NPHS1: variants seen among roughly 807,000 people sequenced by gnomAD.
NPHS1 encodes the protein nephrin.
NPHS1 carries 107 observed loss-of-function variants against 139.7 expected under a neutral mutation model. That is an observed-to-expected ratio of 0.77 (90% CI 0.66 to 0.90). The LOEUF is 0.90. NPHS1 is among the 40% of genes least tolerant of loss of function. The pLI, the probability that NPHS1 is intolerant of heterozygous loss-of-function variation, is 0.00. For synonymous variants in NPHS1, 707 were observed against 706.6 expected (o/e 1.00, Z -0.01); for missense variants, 1,580 against 1,654.2 (o/e 0.96, Z 0.78).
Position 35,831,347 on chromosome 19 carries a change from G to T in NPHS1, c.3336C>A (p.Asn1112Lys). Residue 1112 changes from asparagine (N) to lysine (K), a missense_variant, in exon 26 of 29, where the codon AAC (asparagine) becomes AAA (lysine). Transcript: ENST00000378910. Reference sequence around the variant, plus strand: ...CTGTCCACTGGCTCTCCTCATATTCGTTCCTGACTCGGTCCTCTTCCGACC... The same window carrying T: ...CTGTCCACTGGCTCTCCTCATATTCTTTCCTGACTCGGTCCTCTTCCGACC... The part of the protein sequence containing the change: ...EAGSEEDRVR[N>K]EYEESQWTGE... 1 of 1,613,976 alleles carries T rather than the reference G, an allele frequency of 6.2e-7. No homozygotes were observed. Among genetic ancestry groups the T allele is most frequent in the Non-Finnish European group, 8.5e-7 (1 of 1,179,984 alleles).
intron 20 of NPHS1, among the ~76,000 whole-genome samples, chr19:35,840,211 G>T (rs556817681): frequency 4.6e-5 from 7 of 151,504 alleles, no homozygotes; most frequent in African/African-American, 1.7e-4. Flanking sequence ...CACTATGTTG[G>T]CCAGGCTTGT....
chr19:35,851,686 G>A lies in NPHS1; in HGVS notation c.59-14C>T, dbSNP rs752268091. Reference sequence around the variant, plus strand: ...ACTGCGCCAGGCCTGAGGACACAGCGCGGTGCAAGGAAAGGGCAGAGGGTT... The same window carrying A: ...ACTGCGCCAGGCCTGAGGACACAGCACGGTGCAAGGAAAGGGCAGAGGGTT... On this transcript the variant is annotated splice_polypyrimidine_tract_variant and intron_variant, in intron 1 of 28. Coordinates refer to ENST00000378910, the MANE Select transcript of NPHS1 (RefSeq NM_004646.4). The A allele has an allele frequency of 2.6e-5, 42 of 1,606,138 alleles. No individual in the cohort carries two copies. Among genetic ancestry groups the A allele is most frequent in the Admixed American group, 1.4e-4 (8 of 58,502 alleles).
Position 35,849,326 on chromosome 19 carries a change from C to G in NPHS1, c.750G>C (p.Leu250=), listed in dbSNP as rs1296113125. 43 of 1,612,786 alleles carry G rather than the reference C, an allele frequency of 2.7e-5. No homozygotes were observed. The highest frequency in any genetic ancestry group is 3.6e-5 in the Non-Finnish European group (42 of 1,179,964). ...PGPPVIEWPG[L]DEGHVRAGQS... ...GTCCTGCCCGCACGTGCCCCTCATC[C>G]AGGCCTGGCCACTCGATGACAGGGG... Residue 250 remains leucine (L), a synonymous_variant, in exon 7 of 29, where the codon CTG becomes CTC. Transcript: ENST00000378910.
In NPHS1 at chr19:35,852,097, CTT is replaced by C. The variant is rs10566018; in HGVS notation, c.-262_-261del. 0.11 allele frequency among the ~76,000 whole-genome samples: 12,906 copies of C among 121,352 alleles called. 958 individuals are homozygous for C. The highest frequency in any genetic ancestry group is 0.27 in the African/African-American group (8,857 of 33,386). The allele number at this position is 121,352 out of a possible 152,430, so 79.6% of individuals were successfully genotyped here. On this transcript the variant is annotated 5_prime_UTR_variant, in exon 1 of 29. Coordinates refer to ENST00000378910, the MANE Select transcript of NPHS1 (RefSeq NM_004646.4). Reference sequence around the variant, plus strand: ...TTTTTTTCTTTTTTCTTTTTTTTTTCTTTTTTTTTTTTTTAGAGACGGGGTCT... The same window carrying C: ...TTTTTTTCTTTTTTCTTTTTTTTTTCTTTTTTTTTTTTAGAGACGGGGTCT...
chr19:35,837,587 TTCTCTCTCTCTCTC>T (rs58943001), intron 22 of NPHS1, among the ~76,000 whole-genome samples: 1 of 149,164 alleles, frequency 6.7e-6, no homozygotes, highest in Non-Finnish European at 1.5e-5. Flanking sequence ...GCTTCTTTCT[TTCTCTCTCTCTCTC>T]TCTCTCTCTT....
chr19:35,848,214 G>T, intron 10 of NPHS1, 39 bp downstream of exon 10: 2 of 1,614,174 alleles, frequency 1.2e-6, no homozygotes, highest in Non-Finnish European at 1.7e-6. Flanking sequence ...GCTGGGTCCT[G>T]AGGCTTGGGG....
In NPHS1 at chr19:35,848,724, A is replaced by G. The variant is rs762275137; in HGVS notation, c.1083T>C (p.Cys361=). ...CCCGCGGGCGACTGGACTTGCTGAC[A>G]CAGGAGAGTGTCACGTTCTTGTTCT... ...QTENKNVTLS[C]VSKSSRPRVL... is the part of the protein sequence containing the mutation. Residue 361 remains cysteine, a synonymous_variant, in exon 9 of 29, where the codon TGT becomes TGC. Coordinates refer to ENST00000378910, the MANE Select transcript of NPHS1 (RefSeq NM_004646.4). 2.5e-6 allele frequency: 4 copies of G among 1,614,178 alleles called. No homozygotes were observed. The highest frequency in any genetic ancestry group is 2.5e-6 in the Non-Finnish European group (3 of 1,180,022).
chr19:35,844,284 T>A, intron 15 of NPHS1, 35 bp downstream of exon 15: 1 of 1,613,734 alleles, frequency 6.2e-7, no homozygotes, highest in Non-Finnish European at 8.5e-7. Context: ...GGACCTCCCA[T>A]CCCCGGGACC....
In NPHS1 at chr19:35,839,378, C is replaced by T; in HGVS notation, c.2968G>A (p.Val990Ile). The stretch of plus-strand genomic sequence containing the variant: ...AAGGTGGTGGCCTGGGGTGGTACGA[C>T]ATCCACATAGTGGAACCCTGGAGTC... ...LGTPGFHYVDVVPPQATTFTL... is the reference protein window; with the variant it reads ...LGTPGFHYVDIVPPQATTFTL... Residue 990 changes from valine to isoleucine, a missense_variant, in exon 22 of 29, where the codon GTC becomes ATC. Coordinates refer to ENST00000378910, the MANE Select transcript of NPHS1 (RefSeq NM_004646.4). 1 of 1,614,188 alleles carries T rather than the reference C, an allele frequency of 6.2e-7. No homozygotes were observed. Among genetic ancestry groups the T allele is most frequent in the Non-Finnish European group, 8.5e-7 (1 of 1,180,028 alleles).
In NPHS1 at chr19:35,851,489, G is replaced by T; in HGVS notation, c.242C>A (p.Pro81Gln). The T allele has an allele frequency of 6.2e-7, 1 of 1,613,596 alleles. No homozygotes were observed. Residue 81 changes from proline (P) to glutamine (Q), a missense_variant, in exon 2 of 29, where the codon CCG (proline) becomes CAG (glutamine). Physicochemically the swap from Pro to Gln is moderately conservative, Grantham distance 76. Transcript: ENST00000378910. ...LGPDPRIPGFPRYRLEGDPAR... is the reference protein window; with the variant it reads ...LGPDPRIPGFQRYRLEGDPAR... ...AGGGTCCCCTTCCAGGCGGTACCTC[G>T]GGAAGCCTGGGATCCTGGGGTCGGG... is the stretch of plus-strand genomic sequence containing the variant.
In NPHS1 at chr19:35,851,912, C is replaced by CT; in HGVS notation, c.-76dup. On this transcript the variant is annotated 5_prime_UTR_variant, in exon 1 of 29. Transcript: ENST00000378910. ...CGTCTGTCTGGCTTTCTCTGGGTCC[C>CT]TCTCTGTGTGTCTCTGCCACCTGCT... The CT allele has an allele frequency of 7.6e-7, 1 of 1,312,276 alleles. No individual in the cohort carries two copies. The allele number at this position is 1,312,276 out of a possible 1,614,324, so 81.3% of individuals were successfully genotyped here.
At chr19:35,831,015 C>T in intron 27 of NPHS1, 38 bp downstream of exon 27, 2 of 1,609,544 alleles carry the variant, frequency 1.2e-6, no homozygotes, top group South Asian at 1.1e-5. Flanking sequence ...GTCGGGGGTA[C>T]CTCTGAGTGA....
chr19:35,842,340 G>C, intron 18 of NPHS1, 39 bp downstream of exon 18: 1 of 1,612,772 alleles, frequency 6.2e-7, no homozygotes, highest in Middle Eastern at 1.6e-4. Context: ...TGTGGGTTCA[G>C]TGGCAGGTCT....
chr19:35,831,116 G>C lies in NPHS1; in HGVS notation c.3418C>G (p.Arg1140Gly). The change falls in exon 27 of 29, where the codon CGC (arginine) becomes GGC (glycine). Residue 1140 changes from arginine to glycine, a missense_variant. Arg to Gly is a moderately radical substitution (Grantham distance 125). Transcript: ENST00000378910. Reference protein sequence around the residue: ...VSTTEAEPYYRSLRDFSPQLP... With the variant: ...VSTTEAEPYYGSLRDFSPQLP... Reference sequence around the variant, plus strand: ...TGGGGGCTGAAGTCCCTCAGGGAGCGGTAATACGGCTCTGCCTCTGTTGTG... The same window carrying C: ...TGGGGGCTGAAGTCCCTCAGGGAGCCGTAATACGGCTCTGCCTCTGTTGTG... 1 of 1,613,946 alleles carries C rather than the reference G, an allele frequency of 6.2e-7. No individual in the cohort carries two copies. The highest frequency in any genetic ancestry group is 8.5e-7 in the Non-Finnish European group (1 of 1,180,002).
chr19:35,849,442 C>T, intron 6 of NPHS1, 79 bp from the exon 7 acceptor site: 2 of 1,598,656 alleles, frequency 1.3e-6, no homozygotes, highest in Admixed American at 3.4e-5. Flanking sequence ...CTTTGAACCC[C>T]CATGTTTCTC....
chr19:35,846,604 T>C (rs1025344033), intron 11 of NPHS1, among the ~76,000 whole-genome samples: 2 of 152,242 alleles, frequency 1.3e-5, no homozygotes, highest in Non-Finnish European at 2.9e-5. Flanking sequence ...GTTCCTTTTC[T>C]TAAAATTCCT....
intron 22 of NPHS1, among the ~76,000 whole-genome samples, chr19:35,837,050 G>GAAAGAA (rs1333640659): frequency 1.6e-5 from 2 of 128,638 alleles, no homozygotes; most frequent in Non-Finnish European, 1.6e-5. Flanking sequence ...AAGAAAGAAA[G>GAAAGAA]AAAGAAAGAA....
chr19:35,851,238 G>A lies in NPHS1; in HGVS notation c.397+24C>T, dbSNP rs1973246529. ...GAGGGCTTGAAGCCCAGACTCATGG[G>A]TCCTGGGCGTCTCTCACCCATACCC... On this transcript the variant is annotated intron_variant, in intron 3 of 28. Coordinates refer to ENST00000378910, the MANE Select transcript of NPHS1 (RefSeq NM_004646.4). 2.5e-6 allele frequency: 4 copies of A among 1,613,720 alleles called. No homozygotes were observed. In the South Asian group the frequency reaches 4.4e-5, roughly 18 times the overall value.
chr19:35,842,335 G>A (rs1364547457), intron 18 of NPHS1, 44 bp downstream of exon 18: 1 of 1,612,682 alleles, frequency 6.2e-7, no homozygotes, highest in Non-Finnish European at 8.5e-7. Flanking sequence ...AGGGCTGTGG[G>A]TTCAGTGGCA....
Sources: gnomAD v4.1 joint callset for allele counts (sites outside exome capture counted in the v4.1 genomes callset) on GRCh38, gnomAD v4.1.1 for gene constraint, MANE v1.5 for transcripts, NCBI Gene and HGNC (gene_info 2026-07-23, HGNC 2026-07-21) for gene names.